Variants in TMEM178B observed in about 807,000 individuals in gnomAD.
TMEM178B encodes transmembrane protein 178B.
Under a neutral mutation model 31.0 loss-of-function variants are expected in TMEM178B, and 5 were observed. That is an observed-to-expected ratio of 0.16 (90% CI 0.08 to 0.34). The LOEUF (loss-of-function observed/expected upper bound fraction) is 0.34. Ranked by LOEUF, TMEM178B falls within the 10% of genes least tolerant of loss-of-function variation. The probability of loss-of-function intolerance (pLI) is 1.00; values close to 1 mark genes in which losing one functional copy is unlikely to be tolerated. For missense variants in TMEM178B, 275 were observed against 400.3 expected, an observed-to-expected ratio of 0.69 and a Z score of 2.67; for synonymous variants, 164 against 164.0, an observed-to-expected ratio of 1.00 and a Z score of 0.00.
chr7:141,484,107 A>G (rs897389397), downstream of TMEM178B, among the ~76,000 whole-genome samples: 1 of 152,148 alleles, frequency 6.6e-6, no homozygotes, highest in Non-Finnish European at 1.5e-5. The surrounding 1 kb of genome is among the most constrained non-coding windows in gnomAD (Gnocchi z 4.8). Flanking sequence ...CCACACCCAA[A>G]GCTGACAGCA....
intron 2 of TMEM178B, among the ~76,000 whole-genome samples, chr7:141,340,829 T>A (rs1017209124): frequency 2.6e-5 from 4 of 152,226 alleles, no homozygotes; most frequent in African/African-American, 9.6e-5. Flanking sequence ...CTTCTCTCCC[T>A]CTCGGGTGTA....
intron 2 of TMEM178B, among the ~76,000 whole-genome samples, chr7:141,302,660 A>G (rs1244169445): frequency 6.6e-6 from 1 of 152,158 alleles, no homozygotes; most frequent in Admixed American, 6.5e-5. Context: ...ATTTGCTGTT[A>G]TGTATATTTT....
At chr7:141,441,005 G>A (rs1277304436) in intron 3 of TMEM178B, among the ~76,000 whole-genome samples, 1 of 152,218 alleles carries the variant, frequency 6.6e-6, no homozygotes, top group Non-Finnish European at 1.5e-5. Context: ...GGTCTTTCTT[G>A]AAGATGACTC....
intron 2 of TMEM178B, among the ~76,000 whole-genome samples, chr7:141,395,022 C>T (rs960952047): frequency 5.9e-5 from 9 of 152,146 alleles, no homozygotes; most frequent in African/African-American, 2.2e-4. Context: ...AGTACCCTGC[C>T]GCCTCTTCAC....
chr7:141,483,283 C>A (rs61518208), downstream of TMEM178B, among the ~76,000 whole-genome samples: 8,211 of 152,250 alleles, frequency 0.054, 347 homozygotes, highest in East Asian at 0.23. Context: ...ACAAAACACA[C>A]TTCCTGTCCA....
At chr7:141,216,494 A>T (rs2109865) in intron 2 of TMEM178B, among the ~76,000 whole-genome samples, 1 of 139,490 alleles carries the variant, frequency 7.2e-6, no homozygotes, top group Non-Finnish European at 1.5e-5. Context: ...GTGGGGAAGA[A>T]GGGTGATCTT....
At chr7:141,078,026 G>C (rs944346727) in intron 1 of TMEM178B, among the ~76,000 whole-genome samples, 1 of 151,988 alleles carries the variant, frequency 6.6e-6, no homozygotes, top group East Asian at 1.9e-4. Flanking sequence ...TTGGATATAG[G>C]GTACAGCAAG....
chr7:141,142,002 G>A (rs757550994), intron 1 of TMEM178B, among the ~76,000 whole-genome samples: 5 of 152,164 alleles, frequency 3.3e-5, no homozygotes, highest in African/African-American at 4.8e-5. Context: ...GTGATTCTAA[G>A]GTTTGGGGTA....
At chr7:141,142,052 A>G (rs143205658) in intron 1 of TMEM178B, among the ~76,000 whole-genome samples, 19 of 152,314 alleles carry the variant, frequency 1.2e-4, no homozygotes, top group Admixed American at 3.9e-4. Context: ...ATAGTATCCA[A>G]TAATTATTCC....
rs1469234985 is a variant in TMEM178B, at chr7:141,472,526, T to C, written c.*1740T>C. 1 of 152,136 alleles carries C rather than the reference T, an allele frequency of 6.6e-6. No homozygotes were observed. The highest frequency in any genetic ancestry group is 1.5e-5 in the Non-Finnish European group (1 of 68,076). 9.4% of individuals were successfully genotyped at this position (152,136 alleles called of 1,614,324 possible). ...ACAGTCATCTCAGTGAGCCTGCTGG[T>C]GCCCAGCAGCCCTGGGGAGGCCAGG... On this transcript the variant is annotated 3_prime_UTR_variant, in exon 4 of 4. Transcript: ENST00000565468.
intron 2 of TMEM178B, among the ~76,000 whole-genome samples, chr7:141,355,747 G>T (rs968057014): frequency 1.3e-5 from 2 of 152,214 alleles, no homozygotes; most frequent in African/African-American, 2.4e-5. Flanking sequence ...GGTGGGACAT[G>T]TGCAGGTTTG....
At chr7:141,145,432 T>C (rs1795835790) in intron 1 of TMEM178B, among the ~76,000 whole-genome samples, 2 of 152,206 alleles carry the variant, frequency 1.3e-5, no homozygotes, top group Non-Finnish European at 2.9e-5. Flanking sequence ...TGACTTCCCC[T>C]GGAAAAATTC....
intron 1 of TMEM178B, among the ~76,000 whole-genome samples, chr7:141,080,059 A>T (rs1238166939): frequency 6.6e-6 from 1 of 152,188 alleles, no homozygotes; most frequent in Non-Finnish European, 1.5e-5. Flanking sequence ...AGGAAATAAT[A>T]CTCTTGGAAT....
intron 2 of TMEM178B, among the ~76,000 whole-genome samples, chr7:141,367,695 A>G (rs1266214547): frequency 1.3e-5 from 2 of 152,196 alleles, no homozygotes; most frequent in Admixed American, 1.3e-4. Flanking sequence ...TATAGAAACA[A>G]GGTATAATTT....
At chr7:141,383,041 C>G (rs931157023) in intron 2 of TMEM178B, among the ~76,000 whole-genome samples, 1 of 152,186 alleles carries the variant, frequency 6.6e-6, no homozygotes, top group Non-Finnish European at 1.5e-5. Context: ...CAAGTTGTGG[C>G]AAAGCTTTGG....
At chr7:141,494,788 A>T in the TMEM178B span, among the ~76,000 whole-genome samples, 5 of 152,202 alleles carry the variant, frequency 3.3e-5, no homozygotes, top group African/African-American at 4.8e-5. Context: ...AGTGTTAATG[A>T]TAGCATGAGT....
intron 1 of TMEM178B, among the ~76,000 whole-genome samples, chr7:141,097,708 C>A (rs751156702): frequency 4.0e-5 from 6 of 151,854 alleles, no homozygotes; most frequent in Non-Finnish European, 5.9e-5. Flanking sequence ...TACAGTACTT[C>A]TTATATAACT....
At chr7:141,341,492 A>G (rs1382240316) in intron 2 of TMEM178B, among the ~76,000 whole-genome samples, 4 of 152,190 alleles carry the variant, frequency 2.6e-5, no homozygotes, top group Non-Finnish European at 5.9e-5. Context: ...GTCTGAAGGC[A>G]GCACACTCAT....
At chr7:141,375,525 C>T (rs1220257848) in intron 2 of TMEM178B, among the ~76,000 whole-genome samples, 1 of 152,178 alleles carries the variant, frequency 6.6e-6, no homozygotes, top group Non-Finnish European at 1.5e-5. Context: ...AAGCAAACTG[C>T]ATTACATCCT....
Sources: allele counts gnomAD v4.1 joint callset (sites outside exome capture counted in the v4.1 genomes callset), GRCh38; gene constraint gnomAD v4.1.1; non-coding constraint Gnocchi (gnomAD v3.1); transcripts MANE v1.5; gene names NCBI Gene and HGNC (gene_info 2026-07-23, HGNC 2026-07-21).